The following SND1 variants were observed in gnomAD, a reference collection of about 807,000 sequenced individuals.
The protein encoded by SND1 is staphylococcal nuclease domain-containing protein 1.
In SND1, 38 loss-of-function variants were observed where a neutral mutation model predicts 121.7. The observed-to-expected ratio is 0.31, with a 90% CI of 0.24 to 0.41. The LOEUF (loss-of-function observed/expected upper bound fraction) is 0.41. Ranked by LOEUF, SND1 falls within the 10% of genes least tolerant of loss-of-function variation. SND1 has a pLI of 1.00. For missense variants in SND1, 868 were observed against 1,184.6 expected (o/e 0.73, Z 3.92); for synonymous variants, 401 against 447.4 (o/e 0.90, Z 1.31).
chr7:128,056,619 C>T (rs552542060), intron 16 of SND1, among the ~76,000 whole-genome samples: 5 of 152,296 alleles, frequency 3.3e-5, no homozygotes, highest in African/African-American at 1.2e-4. Context: ...CAAAATCAAG[C>T]TCTGTTTTCT....
chr7:127,784,684 G>A (rs540371870), intron 10 of SND1, among the ~76,000 whole-genome samples: 261 of 152,318 alleles, frequency 1.7e-3, no homozygotes, highest in African/African-American at 6.0e-3. Flanking sequence ...CTTGTTCACA[G>A]TCCTGTATTT....
intron 15 of SND1, among the ~76,000 whole-genome samples, chr7:127,973,334 A>G (rs989437492): frequency 5.3e-5 from 8 of 152,222 alleles, no homozygotes; most frequent in Non-Finnish European, 1.0e-4. Flanking sequence ...TTATAGTGGA[A>G]TTGGAAGCAC....
intron 16 of SND1, chr7:128,008,268 A>G (rs756827248): frequency 5.3e-5 from 8 of 152,170 alleles, no homozygotes; most frequent in Non-Finnish European, 1.0e-4. Flanking sequence ...AGGGTTGCAA[A>G]GATAACTGCA....
At chr7:128,056,918 T>C (rs1214069545) in intron 16 of SND1, among the ~76,000 whole-genome samples, 1 of 152,184 alleles carries the variant, frequency 6.6e-6, no homozygotes, top group Non-Finnish European at 1.5e-5. Context: ...TAAGAGTTAC[T>C]TGAACACAAG....
At chr7:127,972,063 C>G (rs1001062671) in intron 15 of SND1, among the ~76,000 whole-genome samples, 1 of 152,120 alleles carries the variant, frequency 6.6e-6, no homozygotes, top group African/African-American at 2.4e-5. Flanking sequence ...GCGTGAGCCA[C>G]CACGCCTGGC....
rs187598430 is a variant in SND1, at chr7:127,769,439, T to C, written c.1153-38045T>C. On this transcript the variant is annotated intron_variant, in intron 10 of 23. Transcript: ENST00000354725. ...TTGGTGATTTCTTCTACCTGGAGTA[T>C]TGAATTCCTGCTGAATTCAGAGGAC... Among the ~76,000 whole-genome samples, 6 of 152,352 alleles carry C rather than the reference T, an allele frequency of 3.9e-5. No individual in the cohort carries two copies. In the East Asian group the frequency reaches 9.6e-4, roughly 24 times the overall value.
intron 10 of SND1, among the ~76,000 whole-genome samples, chr7:127,725,701 T>A (rs1562991978): frequency 6.6e-6 from 1 of 152,180 alleles, no homozygotes; most frequent in African/African-American, 2.4e-5. Context: ...GGCTTTGGCA[T>A]GGAAAGGATA....
chr7:127,917,859 A>G (rs1359881271), intron 14 of SND1, among the ~76,000 whole-genome samples: 2 of 152,230 alleles, frequency 1.3e-5, no homozygotes, highest in Non-Finnish European at 2.9e-5. Context: ...CTGTTTCCAC[A>G]TCAGTTTACA....
chr7:127,876,912 G>A (rs527926589), intron 12 of SND1, among the ~76,000 whole-genome samples: 1 of 152,104 alleles, frequency 6.6e-6, no homozygotes, highest in South Asian at 2.1e-4. Flanking sequence ...TCTTTTTCTT[G>A]TTTTTCTTCT....
At chr7:127,731,307 A>G (rs1213129123) in intron 10 of SND1, among the ~76,000 whole-genome samples, 1 of 152,252 alleles carries the variant, frequency 6.6e-6, no homozygotes, top group Non-Finnish European at 1.5e-5. Flanking sequence ...GACATTCAGG[A>G]TTATTAGGCC....
chr7:127,690,029 C>T (rs1479048190), intron 2 of SND1, among the ~76,000 whole-genome samples: 1 of 149,746 alleles, frequency 6.7e-6, no homozygotes, highest in South Asian at 2.1e-4. Flanking sequence ...TTGATTAATA[C>T]TGCTATTCTT....
At chr7:127,971,913 C>T (rs1801998694) in intron 15 of SND1, among the ~76,000 whole-genome samples, 1 of 150,780 alleles carries the variant, frequency 6.6e-6, no homozygotes, top group Non-Finnish European at 1.5e-5. Flanking sequence ...ACTGGGATTA[C>T]AGGTGCATGC....
intron 17 of SND1, among the ~76,000 whole-genome samples, chr7:128,080,092 G>A (rs976560930): frequency 2.0e-5 from 3 of 152,228 alleles, no homozygotes; most frequent in African/African-American, 4.8e-5. Context: ...TTAATATTTG[G>A]AGAATGTTTA....
At chr7:127,804,774 T>G (rs1329848846) in intron 10 of SND1, among the ~76,000 whole-genome samples, 2 of 152,146 alleles carry the variant, frequency 1.3e-5, no homozygotes, top group Non-Finnish European at 2.9e-5. Flanking sequence ...AGTTGCAGGA[T>G]TTTGGGTTCT....
chr7:127,944,934 T>C (rs1458972203), intron 15 of SND1, among the ~76,000 whole-genome samples: 2 of 152,182 alleles, frequency 1.3e-5, no homozygotes, highest in South Asian at 4.1e-4. Context: ...AGTGCCATCT[T>C]CCTAGAGATT....
intron 16 of SND1, among the ~76,000 whole-genome samples, chr7:128,065,311 A>T (rs1053708351): frequency 1.3e-5 from 2 of 151,996 alleles, no homozygotes; most frequent in Non-Finnish European, 2.9e-5. Flanking sequence ...TCCGTGGGAA[A>T]CCCACTGTGG....
chr7:128,027,056 T>C (rs1440042967), intron 16 of SND1: 1 of 152,300 alleles, frequency 6.6e-6, no homozygotes, highest in Admixed American at 6.6e-5. Context: ...AATTTAACCC[T>C]TTGGGGACAT....
intron 11 of SND1, among the ~76,000 whole-genome samples, chr7:127,836,484 G>A (rs982306404): frequency 1.3e-5 from 2 of 152,064 alleles, no homozygotes; most frequent in African/African-American, 4.8e-5. Context: ...GGGAGCATTG[G>A]TTTATGTCTT....
chr7:127,654,811 T>C (rs966555578), intron 1 of SND1, among the ~76,000 whole-genome samples: 1 of 152,198 alleles, frequency 6.6e-6, no homozygotes, highest in Non-Finnish European at 1.5e-5. Context: ...CTGAGTGAAC[T>C]GCAGAGTGAC....
Sources: allele counts gnomAD v4.1 joint callset (sites outside exome capture counted in the v4.1 genomes callset), GRCh38; gene constraint gnomAD v4.1.1; transcripts MANE v1.5; gene names NCBI Gene and HGNC (gene_info 2026-07-23, HGNC 2026-07-21).